Variants in CCDC149 observed in about 807,000 individuals in gnomAD.
CCDC149 encodes the protein coiled-coil domain-containing protein 149.
A neutral mutation model predicts 59.9 loss-of-function variants in CCDC149; 45 were observed. The observed-to-expected ratio is 0.75, with a 90% CI of 0.59 to 0.96. The LOEUF (loss-of-function observed/expected upper bound fraction) is 0.96, where lower values mean the gene tolerates loss of function less well. Among genes scored for constraint, CCDC149 ranks in the 40% least tolerant of loss-of-function variants. CCDC149 has a pLI of 0.00. For missense variants in CCDC149, 584 were observed against 664.7 expected (o/e 0.88, Z 1.33); for synonymous variants, 245 against 260.6 (o/e 0.94, Z 0.58).
chr4:24,979,978 A>T (rs1724402337), intron 1 of CCDC149: 1 of 152,224 alleles, frequency 6.6e-6, no homozygotes, highest in African/African-American at 2.4e-5. Context: ...AAAAATAATC[A>T]ACGAGTTATT....
At chr4:24,844,002 A>T (rs945752449) in intron 4 of CCDC149, among the ~76,000 whole-genome samples, 1 of 152,192 alleles carries the variant, frequency 6.6e-6, no homozygotes, top group African/African-American at 2.4e-5. Context: ...GCCCACTCAC[A>T]GGTCTGTCCA....
intron 12 of CCDC149, among the ~76,000 whole-genome samples, chr4:24,819,380 G>A (rs1014300849): frequency 6.6e-6 from 1 of 152,150 alleles, no homozygotes; most frequent in African/African-American, 2.4e-5. Flanking sequence ...GGAGTGTGGT[G>A]GCACAATCTT....
intron 1 of CCDC149, among the ~76,000 whole-genome samples, chr4:24,949,101 G>T (rs1299390961): frequency 6.6e-6 from 1 of 152,184 alleles, no homozygotes; most frequent in Non-Finnish European, 1.5e-5. Flanking sequence ...TGCCCATTCA[G>T]ACAAGGGTAG....
At chr4:24,953,192 C>CAGA (rs1723364274) in intron 1 of CCDC149, among the ~76,000 whole-genome samples, 1 of 152,188 alleles carries the variant, frequency 6.6e-6, no homozygotes, top group Non-Finnish European at 1.5e-5. Flanking sequence ...TAGCATCTGG[C>CAGA]TGGGGGCTCC....
rs1560195103 is a variant in CCDC149, at chr4:24,808,805, G to T, written c.1207C>A (p.Gln403Lys). 1 of 1,548,542 alleles carries T rather than the reference G, an allele frequency of 6.5e-7. No individual in the cohort carries two copies. The highest frequency in any genetic ancestry group is 8.7e-7 in the Non-Finnish European group (1 of 1,145,776). ...GCGGCACAACTTTCATCTTCTTCTT[G>T]CTTCTGAGCCTCCCCTGAAAACAGA... Residue 403 changes from glutamine (Q) to lysine (K), a missense_variant, in exon 13 of 13, where the codon CAA becomes AAA. By Grantham distance (53) the Gln-to-Lys change is moderately conservative. Coordinates refer to ENST00000635206, the MANE Select transcript of CCDC149 (RefSeq NM_001330643.2).
chr4:24,888,155 A>G (rs1720307737), intron 1 of CCDC149, among the ~76,000 whole-genome samples: 1 of 151,858 alleles, frequency 6.6e-6, no homozygotes, highest in Non-Finnish European at 1.5e-5. Flanking sequence ...CTTTGCAGCC[A>G]GGGCCCATCT....
chr4:24,934,292 T>C (rs1006335205), intron 1 of CCDC149, among the ~76,000 whole-genome samples: 1 of 152,150 alleles, frequency 6.6e-6, no homozygotes, highest in Admixed American at 6.5e-5. Context: ...TGAAATGTGA[T>C]AGTTTTATAA....
At chr4:24,905,332 T>C (rs961185695) in intron 1 of CCDC149, among the ~76,000 whole-genome samples, 9 of 152,152 alleles carry the variant, frequency 5.9e-5, no homozygotes, top group Non-Finnish European at 8.8e-5. Flanking sequence ...TTTTTAACTT[T>C]GATATGTCAA....
Position 24,884,323 on chromosome 4 carries a change from T to A in CCDC149, c.64-7626A>T, listed in dbSNP as rs185838718. On this transcript the variant is annotated intron_variant, in intron 1 of 12. Coordinates refer to ENST00000635206, the MANE Select transcript of CCDC149 (RefSeq NM_001330643.2). Reference sequence around the variant, plus strand: ...CAGTACAGGCATATGCTGTACAGGTTTGTAGCCCAGAAGTAACAAGCCATA... The same window carrying A: ...CAGTACAGGCATATGCTGTACAGGTATGTAGCCCAGAAGTAACAAGCCATA... Among the ~76,000 whole-genome samples the A allele has an allele frequency of 9.8e-5, 15 of 152,360 alleles. No homozygotes were observed. The East Asian group carries it at 2.7e-3, about 27-fold the overall frequency.
chr4:24,854,576 G>A (rs1717884237), intron 3 of CCDC149, among the ~76,000 whole-genome samples: 1 of 152,164 alleles, frequency 6.6e-6, no homozygotes, highest in Non-Finnish European at 1.5e-5. Flanking sequence ...ATCCAGAGAG[G>A]TTAGGGAACT....
At chr4:24,893,588 C>T (rs572626948) in intron 1 of CCDC149, among the ~76,000 whole-genome samples, 3 of 136,666 alleles carry the variant, frequency 2.2e-5, no homozygotes, top group African/African-American at 8.0e-5. Flanking sequence ...GAATGTTTCC[C>T]TTCTAGCACA....
At chr4:24,930,098 T>C (rs1254923102) in intron 1 of CCDC149, among the ~76,000 whole-genome samples, 1 of 152,234 alleles carries the variant, frequency 6.6e-6, no homozygotes, top group African/African-American at 2.4e-5. Context: ...GACATTTACT[T>C]GCCTGTTTTT....
intron 1 of CCDC149, among the ~76,000 whole-genome samples, chr4:24,965,244 T>G (rs1723756577): frequency 6.6e-6 from 1 of 151,296 alleles, no homozygotes; most frequent in Non-Finnish European, 1.5e-5. Flanking sequence ...ACATTTTATG[T>G]GTTAATTAGT....
At position 24,976,637 on chromosome 4, in the gene CCDC149, C is replaced by T. The variant is rs1577518877; in HGVS notation, c.-65+3432G>A. ...CTGAGGCAGGAGAATTGCTTGAACC[C>T]AGGAGGCAGAGATTGCAGTGAGCCG... On this transcript the variant is annotated intron_variant, in intron 1 of 12. Coordinates refer to the CCDC149 transcript ENST00000389609. Among the ~76,000 whole-genome samples, 3 of 152,158 alleles carry T rather than the reference C, an allele frequency of 2.0e-5. No individual in the cohort carries two copies. The East Asian group carries it at 5.8e-4, about 29-fold the overall frequency.
intron 1 of CCDC149, among the ~76,000 whole-genome samples, chr4:24,971,438 T>G (rs28778145): frequency 6.6e-6 from 1 of 152,108 alleles, no homozygotes; most frequent in African/African-American, 2.4e-5. Flanking sequence ...AGGTTAGGAG[T>G]GCAGGTGCAC....
chr4:24,897,067 T>C (rs1187698263), intron 1 of CCDC149, among the ~76,000 whole-genome samples: 1 of 151,966 alleles, frequency 6.6e-6, no homozygotes, highest in East Asian at 1.9e-4. Context: ...CACATGTAAA[T>C]CCAACCCATG....
intron 12 of CCDC149, among the ~76,000 whole-genome samples, chr4:24,818,473 A>G (rs1715156848): frequency 6.6e-6 from 1 of 152,224 alleles, no homozygotes; most frequent in Admixed American, 6.5e-5. Flanking sequence ...TTGTTTATCT[A>G]TTGCTGTGTA....
At chr4:24,943,162 G>A (rs185157899) in intron 1 of CCDC149, among the ~76,000 whole-genome samples, 14 of 152,174 alleles carry the variant, frequency 9.2e-5, no homozygotes, top group Admixed American at 4.6e-4. Context: ...ACAAGGCTAC[G>A]GTAACCAAAA....
chr4:24,902,270 T>C (rs1363993389), intron 1 of CCDC149, among the ~76,000 whole-genome samples: 2 of 152,236 alleles, frequency 1.3e-5, no homozygotes, highest in Non-Finnish European at 2.9e-5. Context: ...CGGCCTGGCA[T>C]AGTACCTTGC....
Sources: allele counts gnomAD v4.1 joint callset (sites outside exome capture counted in the v4.1 genomes callset), GRCh38; gene constraint gnomAD v4.1.1; transcripts MANE v1.5; gene names NCBI Gene and HGNC (gene_info 2026-07-23, HGNC 2026-07-21).